The following SLC18A1 variants were observed in gnomAD, a reference collection of about 807,000 sequenced individuals.
The protein encoded by SLC18A1 is solute carrier family 18 member A1.
In SLC18A1, 69 loss-of-function variants were observed where a neutral mutation model predicts 53.7. That is an observed-to-expected ratio of 1.28 (90% confidence interval 1.06 to 1.57). The LOEUF is 1.57. SLC18A1 is among the 40% of genes most tolerant of loss of function. The probability of loss-of-function intolerance (pLI) is 0.00; values close to 1 mark genes in which losing one functional copy is unlikely to be tolerated. For missense variants in SLC18A1, 932 were observed against 668.1 expected, an observed-to-expected ratio of 1.40 and a Z score of -4.35; for synonymous variants, 320 against 248.1, an observed-to-expected ratio of 1.29 and a Z score of -2.72.
intron 10 of SLC18A1, among the ~76,000 whole-genome samples, chr8:20,156,940 C>A (rs372700595): frequency 6.6e-6 from 1 of 152,172 alleles, no homozygotes; most frequent in African/African-American, 2.4e-5. Flanking sequence ...CACCCCTGAT[C>A]GCAAAGGCAA....
At chr8:20,153,983 G>C (rs143840927) in intron 10 of SLC18A1, among the ~76,000 whole-genome samples, 1 of 152,176 alleles carries the variant, frequency 6.6e-6, no homozygotes, top group South Asian at 2.1e-4. Flanking sequence ...CGTGAATGGC[G>C]TGGTGCTGTC....
chr8:20,146,583 T>C (rs974247965), intron 15 of SLC18A1, among the ~76,000 whole-genome samples: 1 of 152,164 alleles, frequency 6.6e-6, no homozygotes, highest in Non-Finnish European at 1.5e-5. Flanking sequence ...AATCCTATGG[T>C]ATGGATCTCT....
In SLC18A1 at chr8:20,145,470, C is replaced by G. The variant is rs2071370703; in HGVS notation, c.*293G>C. The G allele has an allele frequency of 4.0e-6, 1 of 247,974 alleles. No homozygotes were observed. The highest frequency in any genetic ancestry group is 7.7e-6 in the Non-Finnish European group (1 of 129,606). The allele number at this position is 247,974 out of a possible 1,614,324, so 15.4% of individuals were successfully genotyped here. ...TACCACCTCTATGCAATGAGTCACC[C>G]CTTGCAGAACCCGTCACAGCTCAAG... On this transcript the variant is annotated 3_prime_UTR_variant, in exon 16 of 16. Coordinates refer to ENST00000276373, the MANE Select transcript of SLC18A1 (RefSeq NM_003053.4).
At chr8:20,171,968 T>C (rs900471159) in intron 6 of SLC18A1, among the ~76,000 whole-genome samples, 4 of 152,206 alleles carry the variant, frequency 2.6e-5, no homozygotes, top group African/African-American at 7.2e-5. Context: ...TATGAATATT[T>C]GCGAGGAGAA....
chr8:20,178,522 A>C, intron 3 of SLC18A1, 29 bp from the exon 4 acceptor site: 1 of 1,547,948 alleles, frequency 6.5e-7, no homozygotes, highest in Non-Finnish European at 8.8e-7. Flanking sequence ...AAAAAAAGAT[A>C]CAATTCCAAC....
chr8:20,155,709 G>A (rs906311348), intron 10 of SLC18A1, among the ~76,000 whole-genome samples: 2 of 152,056 alleles, frequency 1.3e-5, no homozygotes, highest in Non-Finnish European at 2.9e-5. Context: ...TGCCTCCTAG[G>A]TACTAATGCT....
chr8:20,166,646 T>A (rs2071974815), intron 8 of SLC18A1, among the ~76,000 whole-genome samples: 1 of 151,538 alleles, frequency 6.6e-6, no homozygotes, highest in South Asian at 2.1e-4. Context: ...AATTTTGACT[T>A]TTAGGTGGTA....
intron 10 of SLC18A1, among the ~76,000 whole-genome samples, chr8:20,151,728 A>G (rs1341433590): frequency 6.6e-6 from 1 of 152,212 alleles, no homozygotes; most frequent in Non-Finnish European, 1.5e-5. Context: ...TTGCATTCAA[A>G]CCATGGCTTG....
chr8:20,150,642 G>T, intron 11 of SLC18A1, 24 bp downstream of exon 11: 1 of 1,601,268 alleles, frequency 6.2e-7, no homozygotes, highest in Non-Finnish European at 8.6e-7. Context: ...TCTACTGTTC[G>T]TCCCAGATCC....
rs17222197 is a variant in SLC18A1, at chr8:20,164,990, C to T, written c.920-26G>A. 2,092 of 1,613,716 alleles carry T rather than the reference C, an allele frequency of 1.3e-3. 26 individuals are homozygous for T. In the African/African-American group the frequency reaches 0.025, roughly 19 times the overall value. ...CTGGGGAGACTGTTCTGTGAGCAGC[C>T]GTGGCTGCTTGAAGCCCAGACACTC... On this transcript the variant is annotated intron_variant, in intron 9 of 15. Coordinates refer to ENST00000276373, the MANE Select transcript of SLC18A1 (RefSeq NM_003053.4).
At chr8:20,153,063 C>A (rs1203090129) in intron 10 of SLC18A1, among the ~76,000 whole-genome samples, 1 of 151,916 alleles carries the variant, frequency 6.6e-6, no homozygotes, top group Non-Finnish European at 1.5e-5. Context: ...GACGGGAGTG[C>A]ATATGGGGCT....
At position 20,181,000 on chromosome 8, in the gene SLC18A1, G is replaced by T; in HGVS notation, c.-36C>A. 1.3e-6 allele frequency: 2 copies of T among 1,548,904 alleles called. No individual in the cohort carries two copies. Among genetic ancestry groups the T allele is most frequent in the African/African-American group, 1.4e-5 (1 of 73,256 alleles). ...GGACTGGGGCAGTCTTCCCCTGCGG[G>T]CTCTTAGGGAAGGTCCTGTGACAGC... On this transcript the variant is annotated 5_prime_UTR_variant, in exon 2 of 16. Transcript: ENST00000276373.
chr8:20,149,810 C>T, intron 11 of SLC18A1, 83 bp from the exon 12 acceptor site: 1 of 1,310,328 alleles, frequency 7.6e-7, no homozygotes, highest in East Asian at 2.3e-5. Context: ...GCTGACCTGT[C>T]CCACCAGCCC....
At chr8:20,147,434 C>T in intron 14 of SLC18A1, 43 bp from the exon 15 acceptor site, 1 of 1,586,772 alleles carries the variant, frequency 6.3e-7, no homozygotes, top group South Asian at 1.2e-5. Flanking sequence ...ATGGAGCCTC[C>T]ATATGGAGCA....
chr8:20,168,715 G>A (rs1193708397), intron 8 of SLC18A1, among the ~76,000 whole-genome samples: 2 of 152,076 alleles, frequency 1.3e-5, no homozygotes, highest in East Asian at 1.9e-4. Context: ...ATTACGGTGT[G>A]CACCACCATG....
At chr8:20,153,923 G>A (rs2071620934) in intron 10 of SLC18A1, among the ~76,000 whole-genome samples, 1 of 152,146 alleles carries the variant, frequency 6.6e-6, no homozygotes, top group South Asian at 2.1e-4. Context: ...ATCTCCAGTG[G>A]TAAAGGTGGG....
intron 10 of SLC18A1, among the ~76,000 whole-genome samples, chr8:20,158,964 A>G (rs915959155): frequency 6.6e-6 from 1 of 152,038 alleles, no homozygotes; most frequent in South Asian, 2.1e-4. Context: ...CCAAAATCCT[A>G]CTAACTGTTG....
At chr8:20,163,664 A>T (rs112600996) in intron 10 of SLC18A1, among the ~76,000 whole-genome samples, 10 of 152,168 alleles carry the variant, frequency 6.6e-5, no homozygotes, top group Admixed American at 3.9e-4. Flanking sequence ...CTTACTAGGG[A>T]TGAAAACTTG....
At chr8:20,157,657 A>G (rs2071716974) in intron 10 of SLC18A1, among the ~76,000 whole-genome samples, 1 of 152,322 alleles carries the variant, frequency 6.6e-6, no homozygotes, top group Admixed American at 6.5e-5. Flanking sequence ...ATCTTAAAAG[A>G]TAAGTTTATC....
Sources: gnomAD v4.1 joint callset for allele counts (sites outside exome capture counted in the v4.1 genomes callset) on GRCh38, gnomAD v4.1.1 for gene constraint, MANE v1.5 for transcripts, NCBI Gene and HGNC (gene_info 2026-07-23, HGNC 2026-07-21) for gene names.